Variants in ZNF385D observed in about 807,000 individuals in gnomAD.
ZNF385D encodes the protein zinc finger protein 659.
In ZNF385D, 15 loss-of-function variants were observed where a neutral mutation model predicts 35.8. The observed-to-expected ratio is 0.42, with a 90% confidence interval of 0.28 to 0.64. The LOEUF (loss-of-function observed/expected upper bound fraction) is 0.64. ZNF385D is among the 30% of genes least tolerant of loss of function. The pLI is 0.23. For missense variants in ZNF385D, 474 were observed against 494.6 expected (o/e 0.96, Z 0.39); for synonymous variants, 212 against 186.8 (o/e 1.13, Z -1.10).
At chr3:21,719,968 A>AT (rs1458540520) in intron 1 of ZNF385D, among the ~76,000 whole-genome samples, 3 of 152,070 alleles carry the variant, frequency 2.0e-5, no homozygotes, top group Non-Finnish European at 4.4e-5. Context: ...CTTGGCCTAT[A>AT]TTTTTTCATT....
At chr3:21,888,172 T>A (rs1698649608) in intron 3 of ZNF385D, among the ~76,000 whole-genome samples, 1 of 152,316 alleles carries the variant, frequency 6.6e-6, no homozygotes, top group Middle Eastern at 3.4e-3. Flanking sequence ...GTATCAAGTA[T>A]AACAGTTCAA....
At chr3:22,340,814 C>T (rs1011187766) in intron 2 of ZNF385D, among the ~76,000 whole-genome samples, 1 of 152,216 alleles carries the variant, frequency 6.6e-6, no homozygotes, top group Non-Finnish European at 1.5e-5. Context: ...TCCACATTCA[C>T]AGGCTCACTG....
Position 21,412,498 on chromosome 3 carries a change from G to A in ZNF385D, c.*8716C>T, listed in dbSNP as rs1345746405. On this transcript the variant is annotated 3_prime_UTR_variant, in exon 8 of 8. Coordinates refer to ENST00000281523, the MANE Select transcript of ZNF385D (RefSeq NM_024697.3). Reference sequence around the variant, plus strand: ...TTCCCAAATTGAAAACATTGCCTATGGATTATCTACAGAAGAGAGGAAAAT... The same window carrying A: ...TTCCCAAATTGAAAACATTGCCTATAGATTATCTACAGAAGAGAGGAAAAT... The A allele has an allele frequency of 6.6e-6, 1 of 151,976 alleles. No homozygotes were observed. The highest frequency in any genetic ancestry group is 1.5e-5 in the Non-Finnish European group (1 of 67,970). The allele number at this position is 151,976 out of a possible 1,614,324, so 9.4% of individuals were successfully genotyped here.
At chr3:22,353,349 A>G (rs541262491) in intron 2 of ZNF385D, among the ~76,000 whole-genome samples, 8 of 152,172 alleles carry the variant, frequency 5.3e-5, no homozygotes, top group Non-Finnish European at 1.2e-4. Context: ...ACCATGCCCA[A>G]GCAGCATCAG....
chr3:22,014,408 A>T (rs1696757861), intron 3 of ZNF385D, among the ~76,000 whole-genome samples: 1 of 152,156 alleles, frequency 6.6e-6, no homozygotes, highest in African/African-American at 2.4e-5. Context: ...ATCCTACAAG[A>T]TGCCAGAGAA....
At chr3:21,919,080 T>C (rs1408916700) in intron 3 of ZNF385D, among the ~76,000 whole-genome samples, 1 of 152,232 alleles carries the variant, frequency 6.6e-6, no homozygotes, top group Non-Finnish European at 1.5e-5. Flanking sequence ...TAACATTTGT[T>C]TGAAGAGTTG....
At chr3:22,029,168 T>C (rs1036629211) in intron 3 of ZNF385D, among the ~76,000 whole-genome samples, 1 of 152,176 alleles carries the variant, frequency 6.6e-6, no homozygotes, top group Non-Finnish European at 1.5e-5. Flanking sequence ...ACCTGGACAC[T>C]TTGTGCTCCT....
intron 3 of ZNF385D, among the ~76,000 whole-genome samples, chr3:21,920,225 C>G (rs1409745151): frequency 6.6e-6 from 1 of 152,132 alleles, no homozygotes; most frequent in Non-Finnish European, 1.5e-5. Context: ...GACTCTGTCT[C>G]CACAGATTTT....
chr3:21,620,796 T>C (rs2064983272), intron 2 of ZNF385D, among the ~76,000 whole-genome samples: 2 of 152,100 alleles, frequency 1.3e-5, no homozygotes, highest in African/African-American at 4.8e-5. Context: ...AAGAGGCATT[T>C]TCCACAACAC....
intron 4 of ZNF385D, among the ~76,000 whole-genome samples, chr3:21,462,807 C>T (rs112450716): frequency 1.2e-4 from 19 of 152,014 alleles, no homozygotes; most frequent in Non-Finnish European, 2.8e-4. Flanking sequence ...CATGGTGAAA[C>T]CCCGTCTCTA....
chr3:22,011,220 T>G (rs1696554078), intron 3 of ZNF385D, among the ~76,000 whole-genome samples: 1 of 152,044 alleles, frequency 6.6e-6, no homozygotes, highest in Admixed American at 6.6e-5. Flanking sequence ...AAGCCACCAA[T>G]GAGAGAAATT....
chr3:22,371,901 T>C (rs894615792), intron 2 of ZNF385D, among the ~76,000 whole-genome samples: 6 of 151,934 alleles, frequency 3.9e-5, no homozygotes, highest in Non-Finnish European at 8.8e-5. Context: ...CGCGTGTATC[T>C]CAGGTTTTTT....
At chr3:21,723,538 G>A (rs188568996) in intron 1 of ZNF385D, among the ~76,000 whole-genome samples, 34 of 152,188 alleles carry the variant, frequency 2.2e-4, no homozygotes, top group Middle Eastern at 3.4e-3. Flanking sequence ...TTTATCAAGC[G>A]AAAGAAAGGA....
intron 3 of ZNF385D, among the ~76,000 whole-genome samples, chr3:22,059,428 A>G (rs1699579120): frequency 6.6e-6 from 1 of 152,176 alleles, no homozygotes; most frequent in Non-Finnish European, 1.5e-5. Flanking sequence ...ATCAACACCA[A>G]CCTTGTGGTT....
chr3:21,840,517 C>G (rs938000921), intron 3 of ZNF385D, among the ~76,000 whole-genome samples: 8 of 151,832 alleles, frequency 5.3e-5, no homozygotes, highest in African/African-American at 1.9e-4. Flanking sequence ...AACGGTATGC[C>G]CAATACTAAA....
intron 3 of ZNF385D, among the ~76,000 whole-genome samples, chr3:21,995,525 G>C (rs951931988): frequency 1.3e-5 from 2 of 152,042 alleles, no homozygotes; most frequent in African/African-American, 4.8e-5. Flanking sequence ...GAGTGAGGTG[G>C]ATCAATCCCC....
At chr3:21,969,772 G>C (rs1703131046) in intron 3 of ZNF385D, among the ~76,000 whole-genome samples, 1 of 145,850 alleles carries the variant, frequency 6.9e-6, no homozygotes, top group African/African-American at 2.6e-5. Flanking sequence ...GCTGGCTTTG[G>C]GTCTGACTCA....
At chr3:21,980,674 C>T (rs1457910212) in intron 3 of ZNF385D, among the ~76,000 whole-genome samples, 1 of 152,108 alleles carries the variant, frequency 6.6e-6, no homozygotes, top group Non-Finnish European at 1.5e-5. Flanking sequence ...AGCTATTAAG[C>T]CCAGTATCCA....
intron 3 of ZNF385D, among the ~76,000 whole-genome samples, chr3:21,940,712 C>T (rs765214835): frequency 6.6e-6 from 1 of 151,840 alleles, no homozygotes; most frequent in Non-Finnish European, 1.5e-5. Flanking sequence ...AGTTAGGCTA[C>T]GAGGATAAAA....
Sources: allele counts gnomAD v4.1 joint callset (sites outside exome capture counted in the v4.1 genomes callset), GRCh38; gene constraint gnomAD v4.1.1; transcripts MANE v1.5; gene names NCBI Gene and HGNC (gene_info 2026-07-23, HGNC 2026-07-21).